Variants in FAF1 observed in about 807,000 individuals in gnomAD.
The protein encoded by FAF1 is FAS-associated factor 1.
Under a neutral mutation model 92.5 loss-of-function variants are expected in FAF1, and 25 were observed. The ratio of observed to expected loss-of-function variants is 0.27; its 90% CI spans 0.20 to 0.38. FAF1 has a LOEUF of 0.38. FAF1 is among the 10% of genes least tolerant of loss of function. The probability of loss-of-function intolerance (pLI) is 1.00; values close to 1 mark genes in which losing one functional copy is unlikely to be tolerated. For synonymous variants in FAF1, 234 were observed against 273.2 expected (o/e 0.86, Z 1.42); for missense variants, 636 against 793.3 (o/e 0.80, Z 2.38).
At chr1:50,827,093 G>A (rs537715796) in intron 2 of FAF1, among the ~76,000 whole-genome samples, 65 of 151,432 alleles carry the variant, frequency 4.3e-4, no homozygotes, top group Admixed American at 1.9e-3. Context: ...GCCTCTGCCC[G>A]GCCACCCCAT....
chr1:50,665,444 T>C (rs547495966), intron 7 of FAF1, among the ~76,000 whole-genome samples: 22 of 152,290 alleles, frequency 1.4e-4, no homozygotes, highest in Admixed American at 7.8e-4. Context: ...AAACACAAAA[T>C]TGGCATAATC....
chr1:50,457,271 C>T (rs1240736870), intron 18 of FAF1, among the ~76,000 whole-genome samples: 1 of 151,914 alleles, frequency 6.6e-6, no homozygotes, highest in Non-Finnish European at 1.5e-5. Flanking sequence ...GGACGAAGAA[C>T]AGGGTGTGGT....
chr1:50,839,010 C>T (rs1644234598), intron 2 of FAF1, among the ~76,000 whole-genome samples: 1 of 152,034 alleles, frequency 6.6e-6, no homozygotes, highest in African/African-American at 2.4e-5. Flanking sequence ...ACTGTGCTAC[C>T]AGGCACACCT....
intron 15 of FAF1, among the ~76,000 whole-genome samples, chr1:50,509,881 A>AG (rs1227016500): frequency 6.6e-6 from 1 of 151,572 alleles, no homozygotes; most frequent in Non-Finnish European, 1.5e-5. Flanking sequence ...AATTAAAAAA[A>AG]AAATGGCCAG....
intron 3 of FAF1, among the ~76,000 whole-genome samples, chr1:50,799,064 G>A (rs539091288): frequency 1.3e-5 from 2 of 152,070 alleles, no homozygotes; most frequent in African/African-American, 4.8e-5. Context: ...TGCCAGCCTC[G>A]GCCTCCCAAA....
chr1:50,862,000 T>A (rs1426202171), intron 1 of FAF1, among the ~76,000 whole-genome samples: 1 of 151,536 alleles, frequency 6.6e-6, no homozygotes, highest in Non-Finnish European at 1.5e-5. Flanking sequence ...TTTGTTATGA[T>A]GGACAAATAG....
intron 12 of FAF1, chr1:50,582,325 G>A (rs1651030156): frequency 3.2e-6 from 1 of 314,624 alleles, no homozygotes; most frequent in Admixed American, 4.4e-5. Context: ...TTGTGAAATG[G>A]GTATCTTGGT....
chr1:50,484,150 A>G (rs368624043), intron 17 of FAF1, among the ~76,000 whole-genome samples: 2 of 152,208 alleles, frequency 1.3e-5, no homozygotes, highest in African/African-American at 4.8e-5. Flanking sequence ...TCCCATATAG[A>G]GACAGTTGAT....
At chr1:50,572,223 AT>A (rs1339697177) in intron 12 of FAF1, among the ~76,000 whole-genome samples, 1 of 152,164 alleles carries the variant, frequency 6.6e-6, no homozygotes, top group African/African-American at 2.4e-5. Context: ...AATCATTAGC[AT>A]TTTGCCATAT....
At chr1:50,590,025 T>C (rs550575878) in intron 9 of FAF1, among the ~76,000 whole-genome samples, 3 of 152,208 alleles carry the variant, frequency 2.0e-5, no homozygotes, top group Non-Finnish European at 2.9e-5. Flanking sequence ...TTATATTCCA[T>C]TGGGCTATAT....
intron 6 of FAF1, among the ~76,000 whole-genome samples, chr1:50,725,272 C>T (rs1658597610): frequency 6.6e-6 from 1 of 152,086 alleles, no homozygotes; most frequent in South Asian, 2.1e-4. Flanking sequence ...TGCAGACTTC[C>T]CTAAGTCATA....
chr1:50,750,140 TA>T (rs1314671309), intron 4 of FAF1, among the ~76,000 whole-genome samples: 1 of 152,176 alleles, frequency 6.6e-6, no homozygotes. Context: ...TATTTGTGTC[TA>T]CCTAACTCCA....
At chr1:50,670,285 G>A (rs1439623679) in intron 7 of FAF1, among the ~76,000 whole-genome samples, 1 of 151,634 alleles carries the variant, frequency 6.6e-6, no homozygotes, top group Non-Finnish European at 1.5e-5. Context: ...ATGGGATTTC[G>A]CCATGTTGTG....
At chr1:50,808,737 C>T (rs1662306738) in intron 2 of FAF1, among the ~76,000 whole-genome samples, 1 of 151,666 alleles carries the variant, frequency 6.6e-6, no homozygotes, top group African/African-American at 2.4e-5. Flanking sequence ...TATCTGATCT[C>T]ATTAGTTTCA....
At chr1:50,557,376 T>C (rs1572832103) in intron 13 of FAF1, among the ~76,000 whole-genome samples, 1 of 152,198 alleles carries the variant, frequency 6.6e-6, no homozygotes, top group East Asian at 1.9e-4. Context: ...GTCACTCCTC[T>C]ATTACCCTAA....
intron 1 of FAF1, among the ~76,000 whole-genome samples, chr1:50,930,796 G>A (rs899028248): frequency 1.7e-4 from 26 of 151,884 alleles, no homozygotes; most frequent in African/African-American, 4.8e-4. Flanking sequence ...GCAAGACTCC[G>A]TCTCAAAAAA....
chr1:50,521,030 T>A (rs1208711273), intron 15 of FAF1, among the ~76,000 whole-genome samples: 1 of 152,210 alleles, frequency 6.6e-6, no homozygotes, highest in Non-Finnish European at 1.5e-5. Flanking sequence ...TACTGTTTTT[T>A]ATATATTAAT....
rs1410300796 is a variant in FAF1, at chr1:50,960,081, G to C, written c.-270C>G. Reference sequence around the variant, plus strand: ...CAGCCCGGACAGGAAGATTGGTCTGGATGTGGGTCCGGTCTTACAGTCGCG... The same window carrying C: ...CAGCCCGGACAGGAAGATTGGTCTGCATGTGGGTCCGGTCTTACAGTCGCG... On this transcript the variant is annotated 5_prime_UTR_variant, in exon 1 of 19. The change creates a new upstream start codon in the 5' untranslated region. Coordinates refer to ENST00000396153, the MANE Select transcript of FAF1 (RefSeq NM_007051.3). 5.1e-6 allele frequency: 2 copies of C among 393,718 alleles called. No homozygotes were observed. Among genetic ancestry groups the C allele is most frequent in the South Asian group, 1.3e-4 (1 of 7,816 alleles). The allele number at this position is 393,718 out of a possible 1,614,324, so 24.4% of individuals were successfully genotyped here. A position where few individuals can be genotyped will look rare whatever the true frequency, so the allele number is the denominator to read the frequency against.
chr1:50,865,357 T>C (rs973026224), intron 1 of FAF1, among the ~76,000 whole-genome samples: 1 of 150,758 alleles, frequency 6.6e-6, no homozygotes, highest in African/African-American at 2.4e-5. Context: ...CAAAGGACTA[T>C]AAATCATGCT....
Sources: allele counts gnomAD v4.1 joint callset (sites outside exome capture counted in the v4.1 genomes callset), GRCh38; gene constraint gnomAD v4.1.1; transcripts MANE v1.5; gene names NCBI Gene and HGNC (gene_info 2026-07-23, HGNC 2026-07-21).